The following MAN1C1 variants were observed in gnomAD, a reference collection of about 807,000 sequenced individuals.
The protein encoded by MAN1C1 is mannosyl-oligosaccharide 1,2-alpha-mannosidase IC.
MAN1C1 carries 49 observed loss-of-function variants against 71.5 expected under a neutral mutation model. The observed-to-expected ratio is 0.69, with a 90% CI of 0.54 to 0.87. MAN1C1 has a LOEUF of 0.87. MAN1C1 is among the 40% of genes least tolerant of loss of function. The pLI is 0.00. For missense variants in MAN1C1, 743 were observed against 835.0 expected (o/e 0.89, Z 1.36); for synonymous variants, 352 against 343.7 (o/e 1.02, Z -0.27).
At chr1:25,720,573 C>G (rs1343589707) in intron 2 of MAN1C1, among the ~76,000 whole-genome samples, 1 of 152,164 alleles carries the variant, frequency 6.6e-6, no homozygotes, top group African/African-American at 2.4e-5. Flanking sequence ...GTTCTGGATA[C>G]CAGTTCTCTA....
intron 1 of MAN1C1, among the ~76,000 whole-genome samples, chr1:25,675,856 T>G (rs1444913195): frequency 6.6e-6 from 1 of 152,242 alleles, no homozygotes; most frequent in Non-Finnish European, 1.5e-5. Flanking sequence ...TCTGTCCTTT[T>G]ACAGATGAGG....
rs543609410 is a variant in MAN1C1, at chr1:25,627,286, C to T, written c.540+8949C>T. ...CTTCTCTTCTCTTCTCTTGTCTTCT[C>T]TTCTTCTCTTCTCTTCTCTTTTTCT... On this transcript the variant is annotated intron_variant, in intron 1 of 11. Coordinates refer to ENST00000374332, the MANE Select transcript of MAN1C1 (RefSeq NM_020379.4). Among the ~76,000 whole-genome samples the T allele has an allele frequency of 3.7e-3, 537 of 144,988 alleles. 5 individuals carry two copies. The highest frequency in any genetic ancestry group is 0.014 in the African/African-American group (518 of 37,192).
At position 25,775,727 on chromosome 1, in the gene MAN1C1, A is replaced by G. The variant is rs1405416143; in HGVS notation, c.1258-2378A>G. Among the ~76,000 whole-genome samples, 2 of 151,058 alleles carry G rather than the reference A, an allele frequency of 1.3e-5. No individual in the cohort carries two copies. Among genetic ancestry groups the G allele is most frequent in the African/African-American group, 2.5e-5 (1 of 40,806 alleles). ...TAGCAGAGTCAGGGCTGGAGCATGC[A>G]GGAAGGAGGCGCAGCACCAGCTAAG... On this transcript the variant is annotated intron_variant, in intron 8 of 11. Transcript: ENST00000374332. The surrounding 1 kb of genome is among the most constrained non-coding windows in gnomAD (Gnocchi z 5.1).
At chr1:25,671,426 G>T (rs925883775) in intron 1 of MAN1C1, among the ~76,000 whole-genome samples, 1 of 152,230 alleles carries the variant, frequency 6.6e-6, no homozygotes, top group African/African-American at 2.4e-5. Flanking sequence ...TGTGCTAGGG[G>T]TTGGGGATAC....
intron 2 of MAN1C1, among the ~76,000 whole-genome samples, chr1:25,698,418 G>C (rs1002504502): frequency 6.6e-6 from 1 of 152,130 alleles, no homozygotes; most frequent in African/African-American, 2.4e-5. Context: ...GATTGGTGTT[G>C]GGATCTCATG....
chr1:25,672,239 C>T (rs1557758711), intron 1 of MAN1C1, among the ~76,000 whole-genome samples: 1 of 152,178 alleles, frequency 6.6e-6, no homozygotes, highest in African/African-American at 2.4e-5. Context: ...GCCCTTTCCT[C>T]TACCTTTTCT....
At chr1:25,677,443 C>CAA (rs1445071622) in intron 1 of MAN1C1, among the ~76,000 whole-genome samples, 4 of 152,166 alleles carry the variant, frequency 2.6e-5, no homozygotes, top group Non-Finnish European at 5.9e-5. Flanking sequence ...TACACACACA[C>CAA]AATGACTGCC....
chr1:25,653,629 T>A (rs1185800309), intron 1 of MAN1C1, among the ~76,000 whole-genome samples: 2 of 152,164 alleles, frequency 1.3e-5, no homozygotes, highest in African/African-American at 2.4e-5. Context: ...AGGGGTCACA[T>A]CACAGAGGCC....
At position 25,634,662 on chromosome 1, in the gene MAN1C1, T is replaced by C. The variant is rs190706257; in HGVS notation, c.540+16325T>C. 1.8e-3 allele frequency among the ~76,000 whole-genome samples: 269 copies of C among 151,970 alleles called. 1 individual carries two copies. Among genetic ancestry groups the C allele is most frequent in the African/African-American group, 6.2e-3 (256 of 41,434 alleles). ...TGGTAAAACCCCATCTCTGCTAAAA[T>C]ACAAAAAATCAGCCGGGCTTCTTGG... is the stretch of plus-strand genomic sequence containing the variant. On this transcript the variant is annotated intron_variant, in intron 1 of 11. Coordinates refer to ENST00000374332, the MANE Select transcript of MAN1C1 (RefSeq NM_020379.4). This position sits in a 1 kb window ranked among gnomAD's most constrained non-coding sequence, Gnocchi z 4.6.
intron 7 of MAN1C1, among the ~76,000 whole-genome samples, chr1:25,770,595 G>A (rs910780913): frequency 1.3e-5 from 2 of 152,202 alleles, no homozygotes; most frequent in East Asian, 1.9e-4. Flanking sequence ...AAATGGGGCC[G>A]ATAGCACCTG....
chr1:25,767,963 C>G (rs1305747027), intron 7 of MAN1C1, among the ~76,000 whole-genome samples: 1 of 123,906 alleles, frequency 8.1e-6, no homozygotes, highest in Non-Finnish European at 1.7e-5. Context: ...CATACATCCA[C>G]ACTCCCCTCA....
intron 1 of MAN1C1, among the ~76,000 whole-genome samples, chr1:25,673,942 G>A (rs550176520): frequency 2.6e-5 from 4 of 152,310 alleles, no homozygotes; most frequent in South Asian, 2.1e-4. Context: ...GAACCATTTC[G>A]CATTGGAATT....
chr1:25,659,581 A>G (rs2045817588), intron 1 of MAN1C1, among the ~76,000 whole-genome samples: 1 of 152,218 alleles, frequency 6.6e-6, no homozygotes, highest in South Asian at 2.1e-4. Flanking sequence ...TACATGTTGT[A>G]CAAACATTGA....
intron 2 of MAN1C1, among the ~76,000 whole-genome samples, chr1:25,715,822 T>C (rs111451290): frequency 5.3e-5 from 8 of 152,324 alleles, no homozygotes; most frequent in African/African-American, 1.9e-4. Context: ...TTGGATTCTG[T>C]TGGAACTCAG....
rs1029119184 is a variant in MAN1C1, at chr1:25,775,273, A to G, written c.1258-2832A>G. On this transcript the variant is annotated intron_variant, in intron 8 of 11. Transcript: ENST00000374332. This position sits in a 1 kb window ranked among gnomAD's most constrained non-coding sequence, Gnocchi z 5.1. The stretch of plus-strand genomic sequence containing the variant: ...TGCCCGGGAGCCAGGCCGGGCCCAG[A>G]GCAGACCCCTGCCTGCAGCCCGGCT... 1.3e-5 allele frequency among the ~76,000 whole-genome samples: 2 copies of G among 152,192 alleles called. No homozygotes were observed. Among genetic ancestry groups the G allele is most frequent in the Non-Finnish European group, 2.9e-5 (2 of 68,036 alleles).
At chr1:25,773,286 T>G in intron 8 of MAN1C1, among the ~76,000 whole-genome samples, 1 of 142,096 alleles carries the variant, frequency 7.0e-6, no homozygotes, top group Non-Finnish European at 1.5e-5. Flanking sequence ...GGTGGGTGGG[T>G]GTGGGCAGTT....
In MAN1C1 at chr1:25,746,809, AG is replaced by A. The variant is rs751639048; in HGVS notation, c.753+32del. 6.9e-5 allele frequency: 16 copies of A among 232,640 alleles called. No homozygotes were observed. The highest frequency in any genetic ancestry group is 1.2e-4 in the East Asian group (1 of 8,444). The allele number at this position is 232,640 out of a possible 1,614,324, so 14.4% of individuals were successfully genotyped here. On this transcript the variant is annotated intron_variant, in intron 3 of 11. Coordinates refer to ENST00000374332, the MANE Select transcript of MAN1C1 (RefSeq NM_020379.4). The surrounding 1 kb of genome is among the most constrained non-coding windows in gnomAD (Gnocchi z 4.0). ...GTGAGTCAGAGGCCCTCGGCGGGGG[AG>A]GGGGGCGGGGGCCAGAAGAGGCCCA...
chr1:25,712,718 G>C (rs2786872), intron 2 of MAN1C1, among the ~76,000 whole-genome samples: 43,611 of 152,012 alleles, frequency 0.29, 11,304 homozygotes, highest in African/African-American at 0.69. Context: ...TCTTCCACCC[G>C]CTTCAACCCT....
At chr1:25,706,187 T>C (rs1292248315) in intron 2 of MAN1C1, among the ~76,000 whole-genome samples, 1 of 152,174 alleles carries the variant, frequency 6.6e-6, no homozygotes, top group African/African-American at 2.4e-5. Context: ...CCTTGCTTCC[T>C]CTCTTCCAGC....
Sources: allele counts gnomAD v4.1 joint callset (sites outside exome capture counted in the v4.1 genomes callset), GRCh38; gene constraint gnomAD v4.1.1; non-coding constraint Gnocchi (gnomAD v3.1); transcripts MANE v1.5; gene names NCBI Gene and HGNC (gene_info 2026-07-23, HGNC 2026-07-21).